The following METTL15 variants were observed in gnomAD, a reference collection of about 807,000 sequenced individuals.
METTL15 encodes methyltransferase 15, mitochondrial 12S rRNA N4-cytidine.
METTL15 carries 34 observed loss-of-function variants against 38.3 expected under a neutral mutation model. The ratio of observed to expected loss-of-function variants is 0.89; its 90% CI spans 0.68 to 1.18. METTL15 has a LOEUF of 1.18. Among genes scored for constraint, METTL15 ranks in the 50% most tolerant of loss-of-function variants. METTL15 has a pLI of 0.00. For synonymous variants in METTL15, 162 were observed against 170.9 expected (o/e 0.95, Z 0.41); for missense variants, 438 against 498.4 (o/e 0.88, Z 1.15).
chr11:28,372,454 T>C (rs1590349032), intron 5 of METTL15, among the ~76,000 whole-genome samples: 2 of 147,668 alleles, frequency 1.4e-5, no homozygotes, highest in South Asian at 4.2e-4. Flanking sequence ...TGTGTTCTTT[T>C]TTTTTTTTTT....
chr11:28,229,246 G>C (rs1853595266), intron 4 of METTL15, among the ~76,000 whole-genome samples: 1 of 151,530 alleles, frequency 6.6e-6, no homozygotes, highest in Non-Finnish European at 1.5e-5. Context: ...ACTTTCATTG[G>C]CATACACCAA....
At chr11:28,191,576 T>C (rs1407595118) in intron 3 of METTL15, among the ~76,000 whole-genome samples, 2 of 151,542 alleles carry the variant, frequency 1.3e-5, no homozygotes, top group Non-Finnish European at 3.0e-5. Flanking sequence ...TGGATATAAA[T>C]CTGTTGTATA....
intron 5 of METTL15, among the ~76,000 whole-genome samples, chr11:28,365,613 A>G (rs971902586): frequency 6.6e-5 from 10 of 151,778 alleles, no homozygotes; most frequent in Admixed American, 5.2e-4. Context: ...TTCCTCATTT[A>G]GGACTCTGGG....
At chr11:28,185,739 T>G (rs1464326639) in intron 3 of METTL15, among the ~76,000 whole-genome samples, 2 of 151,208 alleles carry the variant, frequency 1.3e-5, no homozygotes, top group Admixed American at 1.3e-4. Flanking sequence ...ATTCTGTATG[T>G]TATTTATTTA....
intron 4 of METTL15, among the ~76,000 whole-genome samples, chr11:28,221,434 G>A (rs1369079814): frequency 6.6e-6 from 1 of 152,016 alleles, no homozygotes; most frequent in East Asian, 1.9e-4. Flanking sequence ...GGACTTGTCT[G>A]CATTGGTTAT....
In METTL15 at chr11:28,290,241, A is replaced by T; in HGVS notation, c.443A>T (p.Gln148Leu). 1 of 1,612,806 alleles carries T rather than the reference A, an allele frequency of 6.2e-7. No homozygotes were observed. Among genetic ancestry groups the T allele is most frequent in the Non-Finnish European group, 8.5e-7 (1 of 1,179,302 alleles). The change falls in exon 5 of 7, where the codon CAG becomes CTG. Residue 148 changes from glutamine to leucine, a missense_variant. Transcript: ENST00000407364. ...CGAGCTATGCTGGGCCAGTTCAGCC[A>T]GGCAGAAGCCTTATTAATGAAAGCT... ...QIRAMLGQFS[Q>L]AEALLMKAGV...
intron 4 of METTL15, among the ~76,000 whole-genome samples, chr11:28,252,135 A>T (rs61889025): frequency 6.6e-6 from 1 of 152,130 alleles, no homozygotes; most frequent in Non-Finnish European, 1.5e-5. Flanking sequence ...TTAGTGAACA[A>T]CAACAAAAAT....
chr11:28,297,118 T>C lies in METTL15; in HGVS notation c.778+187T>C, dbSNP rs551122078. 6.6e-5 allele frequency among the ~76,000 whole-genome samples: 10 copies of C among 152,192 alleles called. No individual in the cohort carries two copies. In the East Asian group the frequency reaches 1.9e-3, roughly 30 times the overall value. ...TCCTTCTCTAATGTCAGCTTTCTTT[T>C]GCTTTTGCATGCTTCTCCCCCAAAA... On this transcript the variant is annotated intron_variant, in intron 6 of 6. Coordinates refer to ENST00000407364, the MANE Select transcript of METTL15 (RefSeq NM_001113528.2).
intron 1 of METTL15, among the ~76,000 whole-genome samples, chr11:28,108,882 AAGAG>A (rs1353891474): frequency 6.6e-6 from 1 of 152,232 alleles, no homozygotes; most frequent in Admixed American, 6.5e-5. Flanking sequence ...ACACTTTAAA[AAGAG>A]AGAAAATACC....
intron 4 of METTL15, among the ~76,000 whole-genome samples, chr11:28,238,464 G>A (rs10835293): frequency 0.088 from 13,352 of 152,206 alleles, 1,044 homozygotes; most frequent in East Asian, 0.36. Context: ...TCGGAAAAGC[G>A]CAGTATTCGG....
intron 6 of METTL15, among the ~76,000 whole-genome samples, chr11:28,490,142 G>T (rs1000512237): frequency 7.2e-5 from 11 of 152,076 alleles, no homozygotes; most frequent in Non-Finnish European, 2.9e-5. Context: ...AGTAGTTGAG[G>T]TGTCATGGCT....
At chr11:28,376,822 G>A (rs1850319242) in intron 5 of METTL15, among the ~76,000 whole-genome samples, 1 of 147,996 alleles carries the variant, frequency 6.8e-6, no homozygotes, top group African/African-American at 2.5e-5. Context: ...CATGTTTAGT[G>A]CTTCCTTCAG....
At chr11:28,209,283 T>C (rs1852517562) in intron 3 of METTL15, among the ~76,000 whole-genome samples, 1 of 152,014 alleles carries the variant, frequency 6.6e-6, no homozygotes, top group Non-Finnish European at 1.5e-5. Context: ...ATTGATCCCA[T>C]GACAAGGAAG....
chr11:28,233,213 T>G (rs1470287289), intron 4 of METTL15, among the ~76,000 whole-genome samples: 1 of 152,064 alleles, frequency 6.6e-6, no homozygotes, highest in Admixed American at 6.6e-5. Flanking sequence ...TTCTCCTTTG[T>G]ACTCAATTGT....
intron 6 of METTL15, among the ~76,000 whole-genome samples, chr11:28,481,324 C>T (rs1380253450): frequency 1.3e-5 from 2 of 152,158 alleles, no homozygotes; most frequent in African/African-American, 2.4e-5. Context: ...AACTACAGGA[C>T]GATAAAAGTG....
intron 6 of METTL15, among the ~76,000 whole-genome samples, chr11:28,505,407 T>C (rs1851620296): frequency 6.6e-6 from 1 of 152,216 alleles, no homozygotes; most frequent in Non-Finnish European, 1.5e-5. Flanking sequence ...TGGGTCATAG[T>C]TTCCTGCTGC....
chr11:28,283,838 A>G (rs887309203), intron 4 of METTL15, among the ~76,000 whole-genome samples: 2 of 152,180 alleles, frequency 1.3e-5, no homozygotes, highest in African/African-American at 4.8e-5. Flanking sequence ...AGAACACAGG[A>G]TGTTACTTTT....
chr11:28,108,736 T>G (rs1487429241), intron 1 of METTL15, among the ~76,000 whole-genome samples: 1 of 152,200 alleles, frequency 6.6e-6, no homozygotes, highest in Non-Finnish European at 1.5e-5. Flanking sequence ...CGTGAAACTA[T>G]TTTCTGTTTG....
chr11:28,374,299 A>C (rs1377987979), intron 5 of METTL15, among the ~76,000 whole-genome samples: 1 of 152,180 alleles, frequency 6.6e-6, no homozygotes, highest in Non-Finnish European at 1.5e-5. Flanking sequence ...ACCCATGAGC[A>C]TGGAATGTTC....
Sources: gnomAD v4.1 joint callset for allele counts (sites outside exome capture counted in the v4.1 genomes callset) on GRCh38, gnomAD v4.1.1 for gene constraint, MANE v1.5 for transcripts, NCBI Gene and HGNC (gene_info 2026-07-23, HGNC 2026-07-21) for gene names.